DCAF5: variants seen among roughly 807,000 people sequenced by gnomAD.
The protein encoded by DCAF5 is DDB1 and CUL4 associated factor 5.
In DCAF5, 9 loss-of-function variants were observed where a neutral mutation model predicts 80.7. The observed-to-expected ratio is 0.11, with a 90% CI of 0.07 to 0.19. The LOEUF (loss-of-function observed/expected upper bound fraction) is 0.19. Among genes scored for constraint, DCAF5 ranks in the 10% least tolerant of loss-of-function variants. DCAF5 has a pLI of 1.00. For synonymous variants in DCAF5, 433 were observed against 461.9 expected, an observed-to-expected ratio of 0.94 and a Z score of 0.80; for missense variants, 842 against 1,205.7, an observed-to-expected ratio of 0.70 and a Z score of 4.47.
chr14:69,151,067 A>G (rs2041687149), intron 1 of DCAF5, among the ~76,000 whole-genome samples: 1 of 152,200 alleles, frequency 6.6e-6, no homozygotes, highest in African/African-American at 2.4e-5. Flanking sequence ...CGGGAGTTTT[A>G]TGAATACATA....
intron 7 of DCAF5, among the ~76,000 whole-genome samples, chr14:69,067,327 G>A (rs962756422): frequency 7.2e-6 from 1 of 138,604 alleles, no homozygotes; most frequent in Admixed American, 8.0e-5. Flanking sequence ...TCCTGCAGCC[G>A]ATTTCGTATC....
At chr14:69,103,066 G>C (rs1167503881) in intron 5 of DCAF5, among the ~76,000 whole-genome samples, 1 of 152,120 alleles carries the variant, frequency 6.6e-6, no homozygotes, top group East Asian at 1.9e-4. Context: ...TGGGACTTTT[G>C]TCATACATGT....
At chr14:69,126,801 T>C (rs1030900225) in intron 1 of DCAF5, among the ~76,000 whole-genome samples, 1 of 152,016 alleles carries the variant, frequency 6.6e-6, no homozygotes, top group African/African-American at 2.4e-5. Context: ...GACAAAACAA[T>C]GGAGCAAAAA....
At chr14:69,058,810 G>A (rs2038087627) in intron 8 of DCAF5, among the ~76,000 whole-genome samples, 1 of 150,948 alleles carries the variant, frequency 6.6e-6, no homozygotes, top group Non-Finnish European at 1.5e-5. Context: ...GGAGGTTGAG[G>A]CTGCAGTGAG....
chr14:69,058,791 T>C (rs1294245785), intron 8 of DCAF5, among the ~76,000 whole-genome samples: 2 of 149,782 alleles, frequency 1.3e-5, no homozygotes, highest in East Asian at 4.0e-4. Flanking sequence ...GAGGATCACC[T>C]AAGCCTGGGG....
At chr14:69,092,928 A>G (rs985643513) in intron 5 of DCAF5, among the ~76,000 whole-genome samples, 12 of 152,212 alleles carry the variant, frequency 7.9e-5, no homozygotes, top group Non-Finnish European at 1.5e-5. Context: ...GGTTCACCTA[A>G]TATTCTTCTG....
chr14:69,051,507 A>AT lies in DCAF5; in HGVS notation c.*2349dup, dbSNP rs2037759665. On this transcript the variant is annotated 3_prime_UTR_variant, in exon 9 of 9. Transcript: ENST00000341516. Reference sequence around the variant, plus strand: ...TATCACCCGGTAAGCTGAGCCTAGGATGCTGGGAAGCCTCTGCCAAGGATG... The same window carrying AT: ...TATCACCCGGTAAGCTGAGCCTAGGATTGCTGGGAAGCCTCTGCCAAGGATG... 1 of 152,218 alleles carries AT rather than the reference A, an allele frequency of 6.6e-6. No individual in the cohort carries two copies. The highest frequency in any genetic ancestry group is 1.9e-4 in the East Asian group (1 of 5,200). 9.4% of individuals were successfully genotyped at this position (152,218 alleles called of 1,614,324 possible). A position where few individuals can be genotyped will look rare whatever the true frequency, so the allele number is the denominator to read the frequency against.
rs568523279 is a variant in DCAF5, at chr14:69,062,554, T to G, written c.947-43A>C. 3.3e-5 allele frequency: 53 copies of G among 1,605,746 alleles called. No individual in the cohort carries two copies. The South Asian group carries it at 5.3e-4, about 16-fold the overall frequency. On this transcript the variant is annotated intron_variant, in intron 7 of 8. Coordinates refer to ENST00000341516, the MANE Select transcript of DCAF5 (RefSeq NM_003861.3). ...AACAAAAATCAGATGATGAAATGAA[T>G]GAAAGTAAATAGGTTCCAGTAATGG... is the stretch of plus-strand genomic sequence containing the variant.
chr14:69,143,516 T>C (rs1448023771), intron 1 of DCAF5, among the ~76,000 whole-genome samples: 2 of 150,370 alleles, frequency 1.3e-5, no homozygotes, highest in African/African-American at 2.4e-5. Context: ...GATAAATAAA[T>C]GACATCAAAT....
At position 69,095,820 on chromosome 14, in the gene DCAF5, A is replaced by AT. The variant is rs1169835163; in HGVS notation, c.666-3934dup. Reference sequence around the variant, plus strand: ...TGATACACCTGGTGGTACCAACAAGATTTTCCAAAGACCACTGGCATGAAT... The same window carrying AT: ...TGATACACCTGGTGGTACCAACAAGATTTTTCCAAAGACCACTGGCATGAAT... On this transcript the variant is annotated intron_variant, in intron 5 of 8. Coordinates refer to ENST00000341516, the MANE Select transcript of DCAF5 (RefSeq NM_003861.3). Among the ~76,000 whole-genome samples the AT allele has an allele frequency of 3.3e-5, 5 of 152,112 alleles. No individual in the cohort carries two copies. In the East Asian group the frequency reaches 5.8e-4, roughly 18 times the overall value.
At chr14:69,119,880 T>A (rs8008829) in intron 2 of DCAF5, among the ~76,000 whole-genome samples, 13,799 of 152,182 alleles carry the variant, frequency 0.091, 1,807 homozygotes, top group African/African-American at 0.29. Context: ...ATGACCTAAC[T>A]TTTTAACCTA....
chr14:69,109,636 T>C (rs143692626), intron 5 of DCAF5, among the ~76,000 whole-genome samples: 76 of 152,356 alleles, frequency 5.0e-4, no homozygotes, highest in Middle Eastern at 3.4e-3. Flanking sequence ...TGTCAATGTG[T>C]ATATTTATAG....
chr14:69,070,790 C>CTTTTTTT, intron 7 of DCAF5, among the ~76,000 whole-genome samples: 1 of 144,398 alleles, frequency 6.9e-6, no homozygotes, highest in Admixed American at 6.9e-5. Flanking sequence ...TTTTATTTTT[C>CTTTTTTT]TTTTTTTTTT....
intron 5 of DCAF5, among the ~76,000 whole-genome samples, chr14:69,115,019 G>A (rs930119257): frequency 1.3e-5 from 2 of 152,206 alleles, no homozygotes; most frequent in African/African-American, 4.8e-5. Context: ...GAGATAGTAG[G>A]TTGAGAGAAG....
At chr14:69,095,770 T>A (rs896614117) in intron 5 of DCAF5, among the ~76,000 whole-genome samples, 3 of 152,300 alleles carry the variant, frequency 2.0e-5, no homozygotes, top group Non-Finnish European at 4.4e-5. Flanking sequence ...TAGATTACTA[T>A]AAATCCATGA....
intron 6 of DCAF5, chr14:69,084,410 G>A: frequency 1.1e-6 from 1 of 898,662 alleles, no homozygotes; most frequent in Non-Finnish European, 1.9e-6. Flanking sequence ...TGAGTTTGAA[G>A]AGGAATTAAA....
intron 1 of DCAF5, among the ~76,000 whole-genome samples, chr14:69,133,544 AG>A (rs2041101532): frequency 6.6e-6 from 1 of 152,060 alleles, no homozygotes; most frequent in South Asian, 2.1e-4. Flanking sequence ...ACCAGTAGGC[AG>A]GGAAGAGGCG....
chr14:69,130,373 G>A (rs144801049), intron 1 of DCAF5, among the ~76,000 whole-genome samples: 1 of 152,306 alleles, frequency 6.6e-6, no homozygotes, highest in South Asian at 2.1e-4. Flanking sequence ...ACTTACATGA[G>A]GAATAGTCAA....
intron 1 of DCAF5, among the ~76,000 whole-genome samples, chr14:69,124,864 T>A (rs770562435): frequency 4.1e-4 from 62 of 149,826 alleles, no homozygotes; most frequent in Middle Eastern, 6.8e-3. Flanking sequence ...GCTACTATAT[T>A]TTTTTTTAAT....
Sources: allele counts gnomAD v4.1 joint callset (sites outside exome capture counted in the v4.1 genomes callset), GRCh38; gene constraint gnomAD v4.1.1; transcripts MANE v1.5; gene names NCBI Gene and HGNC (gene_info 2026-07-23, HGNC 2026-07-21).